Variants in NCOA3 observed in about 807,000 individuals in gnomAD.
The protein encoded by NCOA3 is CBP-interacting protein.
A neutral mutation model predicts 158.8 loss-of-function variants in NCOA3; 51 were observed. That is an observed-to-expected ratio of 0.32 (90% CI 0.26 to 0.41). The LOEUF (loss-of-function observed/expected upper bound fraction) is 0.41. NCOA3 is among the 10% of genes least tolerant of loss of function. The pLI is 1.00. For missense variants in NCOA3, 1,510 were observed against 1,746.6 expected (o/e 0.86, Z 2.41); for synonymous variants, 537 against 592.4 (o/e 0.91, Z 1.36).
intron 1 of NCOA3, among the ~76,000 whole-genome samples, chr20:47,505,514 C>A (rs909510639): frequency 6.6e-6 from 1 of 151,900 alleles, no homozygotes; most frequent in African/African-American, 2.4e-5. Flanking sequence ...ACAGTTGTTA[C>A]CCTGTAAAGC....
intron 17 of NCOA3, among the ~76,000 whole-genome samples, chr20:47,645,377 C>T (rs2146338039): frequency 6.6e-6 from 1 of 152,166 alleles, no homozygotes; most frequent in Admixed American, 6.5e-5. Context: ...CTACCACCCT[C>T]ACTGGAGTCT....
intron 2 of NCOA3, among the ~76,000 whole-genome samples, chr20:47,591,193 A>T (rs1445354308): frequency 6.6e-6 from 1 of 152,216 alleles, no homozygotes; most frequent in East Asian, 1.9e-4. Flanking sequence ...CCACTAGTTC[A>T]TTTAGTCCTA....
chr20:47,511,524 G>GATATATATATATATATATATATATATAT (rs34123990), intron 1 of NCOA3, among the ~76,000 whole-genome samples: 1 of 22,016 alleles, frequency 4.5e-5, no homozygotes, highest in Non-Finnish European at 1.3e-4. Context: ...TCTCTCTCGA[G>GATATATATATATATATATATATATATAT]ATATATATAT....
chr20:47,564,195 C>A (rs528834617), intron 1 of NCOA3, among the ~76,000 whole-genome samples: 4 of 151,706 alleles, frequency 2.6e-5, no homozygotes, highest in Admixed American at 6.6e-5. Flanking sequence ...CGTTTTTTTC[C>A]CCAAGTATGA....
intron 16 of NCOA3, 125 bp from the exon 17 acceptor site, chr20:47,642,088 T>A: frequency 1.3e-6 from 1 of 751,118 alleles, no homozygotes; most frequent in Non-Finnish European, 2.1e-6. Flanking sequence ...TACCACTTGG[T>A]TTATTATTTG....
Position 47,653,620 on chromosome 20 carries a change from C to T in NCOA3, c.*203C>T, listed in dbSNP as rs1441213796. 1.6e-4 allele frequency: 105 copies of T among 647,474 alleles called. 1 individual carries two copies. The South Asian group carries it at 2.2e-3, about 13-fold the overall frequency. 40.1% of individuals were successfully genotyped at this position (647,474 alleles called of 1,614,324 possible). A position where few individuals can be genotyped will look rare whatever the true frequency, so the allele number is the denominator to read the frequency against. On this transcript the variant is annotated 3_prime_UTR_variant, in exon 23 of 23. Coordinates refer to ENST00000371998, the MANE Select transcript of NCOA3 (RefSeq NM_181659.3). The stretch of plus-strand genomic sequence containing the variant: ...AATATCTACGTGTTTTTCCCCCCTC[C>T]TTCTGCTGTGTATCATGGTGTTCAA...
Position 47,556,461 on chromosome 20 carries a change from T to G in NCOA3, c.-98-26722T>G, listed in dbSNP as rs78219702. Among the ~76,000 whole-genome samples the G allele has an allele frequency of 3.8e-3, 578 of 152,282 alleles. 3 individuals are homozygous for G. The highest frequency in any genetic ancestry group is 0.012 in the African/African-American group (500 of 41,568). ...TTTTGAACCTGGGCTTCAAGTAGAC[T>G]CTGGACTTTTTCAGTGAGAAGGAAG... On this transcript the variant is annotated intron_variant, in intron 1 of 22. Coordinates refer to ENST00000371998, the MANE Select transcript of NCOA3 (RefSeq NM_181659.3).
In NCOA3 at chr20:47,639,223, A is replaced by G. The variant is rs1029409921; in HGVS notation, c.2707+21A>G. On this transcript the variant is annotated intron_variant, in intron 14 of 22. Transcript: ENST00000371998. ...TATGGGTACGTTATTTCTAATTAGT[A>G]TGTATGATTATTTTGGGAAAAGCAT... 3.8e-6 allele frequency: 6 copies of G among 1,558,944 alleles called. No homozygotes were observed. In the African/African-American group the frequency reaches 4.1e-5, roughly 11 times the overall value.
At chr20:47,568,318 A>C (rs1468327702) in intron 1 of NCOA3, among the ~76,000 whole-genome samples, 1 of 152,120 alleles carries the variant, frequency 6.6e-6, no homozygotes, top group Non-Finnish European at 1.5e-5. Context: ...TTATCTTTGG[A>C]ATAGTTCACA....
At position 47,655,975 on chromosome 20, in the gene NCOA3, C is replaced by T. The variant is rs2146357578; in HGVS notation, c.*2558C>T. ...ATAATTTGTTTTTACCTGTATTGCC[C>T]TTTATCTTTTTTAGGTAATTCTTTG... On this transcript the variant is annotated 3_prime_UTR_variant, in exon 23 of 23. Transcript: ENST00000371998. The T allele has an allele frequency of 6.6e-6, 1 of 152,156 alleles. No homozygotes were observed. The highest frequency in any genetic ancestry group is 1.9e-4 in the East Asian group (1 of 5,180). 9.4% of individuals were successfully genotyped at this position (152,156 alleles called of 1,614,324 possible).
intron 2 of NCOA3, among the ~76,000 whole-genome samples, chr20:47,619,378 G>A (rs150307017): frequency 0.016 from 2,462 of 152,020 alleles, 36 homozygotes; most frequent in Non-Finnish European, 0.022. Context: ...GGTGTGGTGG[G>A]TCATGCCTGT....
intron 1 of NCOA3, among the ~76,000 whole-genome samples, chr20:47,569,140 G>A (rs1306253289): frequency 2.0e-5 from 3 of 151,966 alleles, no homozygotes; most frequent in Non-Finnish European, 4.4e-5. Context: ...GAGCCCACGA[G>A]TTTGAGACCA....
At chr20:47,599,374 T>G (rs999454954) in intron 2 of NCOA3, among the ~76,000 whole-genome samples, 12 of 151,096 alleles carry the variant, frequency 7.9e-5, no homozygotes, top group Admixed American at 4.6e-4. Flanking sequence ...TTGGGTTATA[T>G]GAGGTTGAGG....
At chr20:47,593,565 G>A (rs923782275) in intron 2 of NCOA3, among the ~76,000 whole-genome samples, 4 of 151,030 alleles carry the variant, frequency 2.6e-5, no homozygotes, top group African/African-American at 7.3e-5. Context: ...GGATGGTCTC[G>A]ATCTCCTGAC....
chr20:47,648,303 A>G (rs1240759390), intron 18 of NCOA3, among the ~76,000 whole-genome samples: 2 of 152,054 alleles, frequency 1.3e-5, no homozygotes, highest in Non-Finnish European at 2.9e-5. Flanking sequence ...TACTGTATTC[A>G]TTTTACTTTC....
intron 1 of NCOA3, among the ~76,000 whole-genome samples, chr20:47,563,902 AAAG>A (rs1390281372): frequency 1.3e-5 from 2 of 150,022 alleles, no homozygotes; most frequent in Admixed American, 6.6e-5. Flanking sequence ...AAAAAAAAAA[AAAG>A]AAAGAAAAAA....
intron 2 of NCOA3, among the ~76,000 whole-genome samples, chr20:47,603,290 AC>A (rs1427689302): frequency 6.6e-6 from 1 of 152,116 alleles, no homozygotes; most frequent in Non-Finnish European, 1.5e-5. Context: ...GAGTTCCCTG[AC>A]CCCCCTCACA....
intron 2 of NCOA3, among the ~76,000 whole-genome samples, chr20:47,612,083 T>C (rs1434865310): frequency 6.6e-6 from 1 of 152,196 alleles, no homozygotes; most frequent in East Asian, 1.9e-4. Flanking sequence ...CATCTTGGCC[T>C]CCCAAAGTGT....
chr20:47,537,926 C>G (rs1188581073), intron 1 of NCOA3, among the ~76,000 whole-genome samples: 1 of 151,314 alleles, frequency 6.6e-6, no homozygotes, highest in Non-Finnish European at 1.5e-5. Flanking sequence ...TTCTCCTAGG[C>G]TGGAGTGAAG....
Sources: allele counts gnomAD v4.1 joint callset (sites outside exome capture counted in the v4.1 genomes callset), GRCh38; gene constraint gnomAD v4.1.1; transcripts MANE v1.5; gene names NCBI Gene and HGNC (gene_info 2026-07-23, HGNC 2026-07-21).